The following PBX1 variants were observed in gnomAD, a reference collection of about 807,000 sequenced individuals.
PBX1 encodes PBX homeobox 1.
Under a neutral mutation model 53.4 loss-of-function variants are expected in PBX1, and 6 were observed. The observed-to-expected ratio is 0.11, with a 90% CI of 0.06 to 0.22. The LOEUF (loss-of-function observed/expected upper bound fraction) is 0.22. Among genes scored for constraint, PBX1 ranks in the 10% least tolerant of loss-of-function variants. PBX1 has a pLI of 1.00. For synonymous variants in PBX1, 204 were observed against 212.3 expected, an observed-to-expected ratio of 0.96 and a Z score of 0.34; for missense variants, 251 against 551.4, an observed-to-expected ratio of 0.46 and a Z score of 5.46.
chr1:164,621,141 A>G (rs1657650082), intron 2 of PBX1, among the ~76,000 whole-genome samples: 1 of 151,988 alleles, frequency 6.6e-6, no homozygotes, highest in Admixed American at 6.5e-5. Context: ...GGCGCGTGAC[A>G]CCATGCCCAG....
In PBX1 at chr1:164,885,021, C is replaced by T. The variant is rs544658968; in HGVS notation, n.258-14167C>T. 3.9e-5 allele frequency among the ~76,000 whole-genome samples: 6 copies of T among 152,268 alleles called. No individual in the cohort carries two copies. The South Asian group carries it at 6.2e-4, about 16-fold the overall frequency. On this transcript the variant is annotated intron_variant and non_coding_transcript_variant, in intron 2 of 2. Transcript: ENST00000558796. ...CACATTTAGTGCATCTCCCCTGTAC[C>T]GGTCACTGTGTGAGGTGCTGTACAA... is the stretch of plus-strand genomic sequence containing the variant.
At chr1:164,686,898 T>C (rs1662131633) in intron 2 of PBX1, among the ~76,000 whole-genome samples, 2 of 151,274 alleles carry the variant, frequency 1.3e-5, no homozygotes, top group Admixed American at 1.3e-4. Context: ...CAGAGCTTGC[T>C]GTAAGCAGAG....
chr1:164,799,498 A>T (rs1193706913), intron 3 of PBX1, among the ~76,000 whole-genome samples: 1 of 152,226 alleles, frequency 6.6e-6, no homozygotes, highest in Non-Finnish European at 1.5e-5. Flanking sequence ...CTCAAAAAAA[A>T]TAAATAAATA....
At chr1:164,869,565 G>A (rs557149064) in intron 2 of PBX1, among the ~76,000 whole-genome samples, 2 of 152,286 alleles carry the variant, frequency 1.3e-5, no homozygotes, top group South Asian at 4.1e-4. Context: ...CCTTCTATGT[G>A]CCAGGCTCGA....
chr1:164,867,099 C>T (rs1478873924), intron 2 of PBX1, among the ~76,000 whole-genome samples: 2 of 152,222 alleles, frequency 1.3e-5, no homozygotes, highest in Non-Finnish European at 2.9e-5. Context: ...AGAAAGGGCA[C>T]AAGCTTGGTA....
At position 164,606,624 on chromosome 1, in the gene PBX1, G is replaced by A. The variant is rs927085147; in HGVS notation, c.265+43313G>A. On this transcript the variant is annotated intron_variant, in intron 2 of 8. Transcript: ENST00000420696. ...CTATGATATCTGAGAATCCGATGTC[G>A]TATTTGCTTATTGTCTCTCTTTCCT... Among the ~76,000 whole-genome samples, 8 of 152,282 alleles carry A rather than the reference G, an allele frequency of 5.3e-5. No homozygotes were observed. In the East Asian group the frequency reaches 5.8e-4, roughly 11 times the overall value.
intron 2 of PBX1, among the ~76,000 whole-genome samples, chr1:164,611,529 C>T (rs956660470): frequency 2.6e-5 from 4 of 152,312 alleles, no homozygotes; most frequent in East Asian, 1.9e-4. Context: ...TGAGCCACCG[C>T]GCCCGGCCTT....
At chr1:164,673,882 C>T (rs1661269600) in intron 2 of PBX1, among the ~76,000 whole-genome samples, 1 of 152,108 alleles carries the variant, frequency 6.6e-6, no homozygotes, top group Non-Finnish European at 1.5e-5. Context: ...TCCCCTTGTC[C>T]TCTGCTACAA....
chr1:164,649,416 G>T (rs1190815437), intron 2 of PBX1, among the ~76,000 whole-genome samples: 1 of 152,052 alleles, frequency 6.6e-6, no homozygotes, highest in East Asian at 1.9e-4. Context: ...ACTTTTGTTG[G>T]GAGTCTCTAA....
chr1:164,836,281 C>T (rs1475602177), intron 8 of PBX1, among the ~76,000 whole-genome samples: 1 of 152,108 alleles, frequency 6.6e-6, no homozygotes. Context: ...CATCTTATTC[C>T]GTAGCAGCAC....
intron 2 of PBX1, among the ~76,000 whole-genome samples, chr1:164,760,555 C>A (rs920137998): frequency 6.6e-6 from 1 of 151,954 alleles, no homozygotes; most frequent in Non-Finnish European, 1.5e-5. Context: ...TTAACTCCTG[C>A]CCCCCAAAAC....
chr1:164,737,482 T>G (rs1008635839), intron 2 of PBX1, among the ~76,000 whole-genome samples: 1 of 150,740 alleles, frequency 6.6e-6, no homozygotes, highest in African/African-American at 2.4e-5. Context: ...TTTTCTTTCC[T>G]TTTTTTTTGT....
At chr1:164,766,776 C>T (rs1180974974) in intron 2 of PBX1, among the ~76,000 whole-genome samples, 1 of 149,596 alleles carries the variant, frequency 6.7e-6, no homozygotes, top group East Asian at 1.9e-4. Context: ...CTCTGTCACC[C>T]AGCCTGGAAT....
At chr1:164,869,643 C>T (rs1316825539) in intron 2 of PBX1, among the ~76,000 whole-genome samples, 1 of 152,024 alleles carries the variant, frequency 6.6e-6, no homozygotes, top group Non-Finnish European at 1.5e-5. Flanking sequence ...GCACACTTTA[C>T]GTTAGAGGAA....
intron 2 of PBX1, among the ~76,000 whole-genome samples, chr1:164,880,050 T>A (rs1672609556): frequency 6.6e-6 from 1 of 152,178 alleles, no homozygotes; most frequent in Admixed American, 6.5e-5. Flanking sequence ...AGTTTTCCCT[T>A]CTGTCAAGGA....
chr1:164,706,093 A>G (rs990718254), intron 2 of PBX1, among the ~76,000 whole-genome samples: 1 of 152,220 alleles, frequency 6.6e-6, no homozygotes, highest in Non-Finnish European at 1.5e-5. Flanking sequence ...ACTAAGGAGT[A>G]TCTTGAAAAT....
intron 6 of PBX1, chr1:164,814,739 CA>C: frequency 1.3e-5 from 2 of 154,620 alleles, no homozygotes; most frequent in East Asian, 1.9e-4. Context: ...ACTCCAACTC[CA>C]AAAACAAAAC....
intron 2 of PBX1, chr1:164,770,358 G>C (rs1557997187): frequency 6.6e-6 from 1 of 152,208 alleles, no homozygotes; most frequent in Non-Finnish European, 1.5e-5. Flanking sequence ...ACTGTAGCCA[G>C]CTCTTTGTTG....
chr1:164,733,094 C>G (rs1665086161), intron 2 of PBX1, among the ~76,000 whole-genome samples: 2 of 152,114 alleles, frequency 1.3e-5, no homozygotes, highest in African/African-American at 4.8e-5. Context: ...CTGTAATCCT[C>G]GGTATTTTTA....
Sources: allele counts gnomAD v4.1 joint callset (sites outside exome capture counted in the v4.1 genomes callset), GRCh38; gene constraint gnomAD v4.1.1; transcripts MANE v1.5; gene names NCBI Gene and HGNC (gene_info 2026-07-23, HGNC 2026-07-21).